Variants in UFSP2 observed in about 807,000 individuals in gnomAD.
UFSP2 encodes the protein UFM1 specific peptidase 2.
In UFSP2, 43 loss-of-function variants were observed where a neutral mutation model predicts 60.2. That is an observed-to-expected ratio of 0.71 (90% CI 0.56 to 0.92). The LOEUF (loss-of-function observed/expected upper bound fraction) is 0.92, where lower values mean the gene tolerates loss of function less well. UFSP2 is among the 40% of genes least tolerant of loss of function. The probability of loss-of-function intolerance (pLI) is 0.00; values close to 1 mark genes in which losing one functional copy is unlikely to be tolerated. For synonymous variants in UFSP2, 183 were observed against 195.1 expected, an observed-to-expected ratio of 0.94 and a Z score of 0.52; for missense variants, 520 against 575.0, an observed-to-expected ratio of 0.90 and a Z score of 0.98.
intron 6 of UFSP2, among the ~76,000 whole-genome samples, 168 bp downstream of exon 6, chr4:185,414,987 A>C (rs2095535802): frequency 6.6e-6 from 1 of 152,214 alleles, no homozygotes; most frequent in South Asian, 2.1e-4. Flanking sequence ...AATACTACTT[A>C]AAGTTTCATG....
At chr4:185,404,424 T>C (rs1347189916) in intron 10 of UFSP2, among the ~76,000 whole-genome samples, 1 of 149,082 alleles carries the variant, frequency 6.7e-6, no homozygotes, top group East Asian at 2.0e-4. Context: ...GCCTCCTGAG[T>C]AGCTGAGACT....
chr4:185,417,908 G>A (rs2095541690), intron 4 of UFSP2, among the ~76,000 whole-genome samples: 1 of 152,100 alleles, frequency 6.6e-6, no homozygotes, highest in African/African-American at 2.4e-5. Context: ...GCTGGGCATG[G>A]TGGCAGGTGC....
Position 185,421,759 on chromosome 4 carries a change from C to T in UFSP2, c.82+726G>A, listed in dbSNP as rs775925238. ...ACTTTTAATTCCTGATCTTTCTGAA[C>T]GGCTCTGTGGCTTCTGGCACCACTA... On this transcript the variant is annotated intron_variant, in intron 2 of 11. Coordinates refer to ENST00000264689, the MANE Select transcript of UFSP2 (RefSeq NM_018359.5). Among the ~76,000 whole-genome samples the T allele has an allele frequency of 7.9e-5, 12 of 152,322 alleles. No homozygotes were observed. The East Asian group carries it at 1.3e-3, about 17-fold the overall frequency.
chr4:185,406,394 C>T (rs978576284), intron 9 of UFSP2, among the ~76,000 whole-genome samples: 2 of 152,060 alleles, frequency 1.3e-5, no homozygotes, highest in East Asian at 3.9e-4. Flanking sequence ...TTTAGGGAAT[C>T]TCAGAATTTT....
intron 2 of UFSP2, among the ~76,000 whole-genome samples, chr4:185,421,822 G>T (rs2095549923): frequency 6.6e-6 from 1 of 152,174 alleles, no homozygotes; most frequent in African/African-American, 2.4e-5. Context: ...TATAATGAGG[G>T]TGTTAACTAT....
intron 2 of UFSP2, among the ~76,000 whole-genome samples, chr4:185,422,082 A>G (rs967292401): frequency 1.1e-4 from 17 of 152,354 alleles, no homozygotes; most frequent in Admixed American, 5.9e-4. Context: ...TTTTTCTTCC[A>G]TAGAGTTCTT....
rs1049990788 is a variant in UFSP2, at chr4:185,399,606, C to T, written c.*786G>A. 1.9e-6 allele frequency: 3 copies of T among 1,614,064 alleles called. No individual in the cohort carries two copies. The highest frequency in any genetic ancestry group is 2.2e-5 in the East Asian group (1 of 44,902). The stretch of plus-strand genomic sequence containing the variant: ...AGAACGGGCAAACAGCTGAAGATCT[C>T]GCTTGGTCATGTGGATTTCCAGACT... On this transcript the variant is annotated 3_prime_UTR_variant, in exon 12 of 12. Coordinates refer to ENST00000264689, the MANE Select transcript of UFSP2 (RefSeq NM_018359.5).
Position 185,400,496 on chromosome 4 carries a change from GA to G in UFSP2, c.1324-19del. 1 of 1,589,822 alleles carries G rather than the reference GA, an allele frequency of 6.3e-7. No homozygotes were observed. Among genetic ancestry groups the G allele is most frequent in the Non-Finnish European group, 8.6e-7 (1 of 1,161,612 alleles). ...CACCAGCCCTGGATAGAGAAGACGGGAAAGGAAAGCCTTTTACAAAGTTACA... is the reference window on the plus strand; with the variant it reads ...CACCAGCCCTGGATAGAGAAGACGGGAAGGAAAGCCTTTTACAAAGTTACA... On this transcript the variant is annotated intron_variant, in intron 11 of 11. Coordinates refer to ENST00000264689, the MANE Select transcript of UFSP2 (RefSeq NM_018359.5).
In UFSP2 at chr4:185,403,563, C is replaced by A; in HGVS notation, c.1254G>T (p.Gly418=). The change falls in exon 11 of 12, where the codon GGG becomes GGT. Residue 418 remains glycine (G), a synonymous_variant. Transcript: ENST00000264689. ...ILGVAWNEIT[G]QIKFLILDPH... Reference sequence around the variant, plus strand: ...GATCTAGAATCAGAAACTTTATCTGCCCTGTAATCTCATTCCATGCAACTC... The same window carrying A: ...GATCTAGAATCAGAAACTTTATCTGACCTGTAATCTCATTCCATGCAACTC... 3 of 1,614,148 alleles carry A rather than the reference C, an allele frequency of 1.9e-6. No homozygotes were observed. Among genetic ancestry groups the A allele is most frequent in the Non-Finnish European group, 2.5e-6 (3 of 1,180,026 alleles).
At chr4:185,408,169 CAG>C in intron 8 of UFSP2, 100 bp downstream of exon 8, 1 of 1,539,900 alleles carries the variant, frequency 6.5e-7, no homozygotes, top group Middle Eastern at 1.7e-4. Context: ...TTCTTCAAAA[CAG>C]AAATAAGTCT....
chr4:185,402,000 CT>C (rs1222054202), intron 11 of UFSP2, among the ~76,000 whole-genome samples: 1 of 152,210 alleles, frequency 6.6e-6, no homozygotes, highest in Non-Finnish European at 1.5e-5. Context: ...AGCCTCACCT[CT>C]TCGCCTAGCT....
intron 7 of UFSP2, 130 bp from the exon 8 acceptor site, chr4:185,408,565 C>T: frequency 1.1e-6 from 1 of 950,744 alleles, no homozygotes. Context: ...AAAATGCCTT[C>T]ACAGATCTAT....
At chr4:185,422,283 T>C (rs2095550816) in intron 2 of UFSP2, among the ~76,000 whole-genome samples, 1 of 152,256 alleles carries the variant, frequency 6.6e-6, no homozygotes, top group Non-Finnish European at 1.5e-5. Context: ...AACATCTTTT[T>C]CTAATTTGCA....
In UFSP2 at chr4:185,399,963, G is replaced by T; in HGVS notation, c.*429C>A. ...TGGGACTGCATGGTGGAAGTTTGGG[G>T]ATAAAACTCTTTTTAAAAAAAAGTT... On this transcript the variant is annotated 3_prime_UTR_variant, in exon 12 of 12. Transcript: ENST00000264689. 1.3e-6 allele frequency: 2 copies of T among 1,586,778 alleles called. No individual in the cohort carries two copies. The highest frequency in any genetic ancestry group is 8.5e-7 in the Non-Finnish European group (1 of 1,170,678).
chr4:185,417,998 C>T (rs1187428184), intron 4 of UFSP2, among the ~76,000 whole-genome samples: 4 of 146,228 alleles, frequency 2.7e-5, no homozygotes, highest in East Asian at 2.0e-4. Flanking sequence ...GAGCCGAGAT[C>T]GTGCCACTGC....
chr4:185,418,576 A>G lies in UFSP2; in HGVS notation c.266+11T>C. The G allele has an allele frequency of 6.2e-7, 1 of 1,612,364 alleles. No individual in the cohort carries two copies. Among genetic ancestry groups the G allele is most frequent in the Non-Finnish European group, 8.5e-7 (1 of 1,179,560 alleles). On this transcript the variant is annotated intron_variant, in intron 3 of 11. Coordinates refer to ENST00000264689, the MANE Select transcript of UFSP2 (RefSeq NM_018359.5). Reference sequence around the variant, plus strand: ...TTGAAAACATTTCTAGAAATCTTCAAACATACTCACTGAATAAAGCGCAGT... The same window carrying G: ...TTGAAAACATTTCTAGAAATCTTCAGACATACTCACTGAATAAAGCGCAGT...
At chr4:185,415,679 A>C (rs149023841) in intron 5 of UFSP2, 31 bp downstream of exon 5, 1 of 1,582,188 alleles carries the variant, frequency 6.3e-7, no homozygotes, top group South Asian at 1.2e-5. Flanking sequence ...CCCTCATTCA[A>C]ATGTGGCAGT....
At chr4:185,412,810 T>C (rs867846630) in intron 7 of UFSP2, among the ~76,000 whole-genome samples, 2 of 152,118 alleles carry the variant, frequency 1.3e-5, no homozygotes, top group Middle Eastern at 3.4e-3. Context: ...AGGGCTGCTG[T>C]TTCTAAGAGG....
At chr4:185,401,659 C>G (rs1326969523) in intron 11 of UFSP2, among the ~76,000 whole-genome samples, 1 of 152,136 alleles carries the variant, frequency 6.6e-6, no homozygotes, top group African/African-American at 2.4e-5. Context: ...TCAAGTGAAT[C>G]AATAGTTTTA....
Sources: allele counts gnomAD v4.1 joint callset (sites outside exome capture counted in the v4.1 genomes callset), GRCh38; gene constraint gnomAD v4.1.1; transcripts MANE v1.5; gene names NCBI Gene and HGNC (gene_info 2026-07-23, HGNC 2026-07-21).